HDAC9: variants seen among roughly 807,000 people sequenced by gnomAD.
HDAC9 encodes histone deacetylase 9.
A neutral mutation model predicts 139.4 loss-of-function variants in HDAC9; 41 were observed. That is an observed-to-expected ratio of 0.29 (90% CI 0.23 to 0.38). The LOEUF is 0.38. Among genes scored for constraint, HDAC9 ranks in the 10% least tolerant of loss-of-function variants. The pLI is 1.00. For missense variants in HDAC9, 1,147 were observed against 1,297.0 expected (o/e 0.88, Z 1.78); for synonymous variants, 517 against 476.2 (o/e 1.09, Z -1.12).
intron 2 of HDAC9, among the ~76,000 whole-genome samples, chr7:18,201,159 G>A (rs1489933741): frequency 6.6e-6 from 1 of 152,130 alleles, no homozygotes; most frequent in African/African-American, 2.4e-5. Context: ...GCTGCTGAAA[G>A]ATCCACTCCC....
intron 2 of HDAC9, among the ~76,000 whole-genome samples, chr7:18,270,565 A>C (rs1449438333): frequency 6.6e-6 from 1 of 152,170 alleles, no homozygotes; most frequent in Non-Finnish European, 1.5e-5. Context: ...AAAAGTTTAA[A>C]CGTTATTTTT....
chr7:18,098,063 C>T (rs1158776485), intron 1 of HDAC9, among the ~76,000 whole-genome samples: 3 of 152,116 alleles, frequency 2.0e-5, no homozygotes, highest in African/African-American at 7.2e-5. Flanking sequence ...CTTTCTGGTC[C>T]AGAAGAATGA....
rs151072162 is a variant in HDAC9, at chr7:18,611,696, T to A, written c.665-17654T>A. 2.0e-4 allele frequency among the ~76,000 whole-genome samples: 31 copies of A among 152,220 alleles called. No individual in the cohort carries two copies. In the Middle Eastern group the frequency reaches 0.01, roughly 50 times the overall value. Reference sequence around the variant, plus strand: ...ATTGAGAATGGCAATTTTGCTAAAATTAAGTACCATGTAGCATCTATCCTG... The same window carrying A: ...ATTGAGAATGGCAATTTTGCTAAAAATAAGTACCATGTAGCATCTATCCTG... On this transcript the variant is annotated intron_variant, in intron 6 of 25. Transcript: ENST00000686413.
chr7:18,346,913 A>G (rs1270373701), intron 1 of HDAC9, among the ~76,000 whole-genome samples: 2 of 152,136 alleles, frequency 1.3e-5, no homozygotes, highest in East Asian at 3.9e-4. Flanking sequence ...TTTGTTTTCT[A>G]GGTCTAAAAT....
chr7:18,767,166 G>A lies in HDAC9; in HGVS notation c.2214+11G>A. On this transcript the variant is annotated intron_variant, in intron 16 of 25. Coordinates refer to ENST00000686413, the MANE Select transcript of HDAC9 (RefSeq NM_178425.4). ...TGTGGTGGACTTGGGGTAAGTACAA[G>A]TTGGTTTACTGCCTTTAAATAACAT... The A allele has an allele frequency of 1.3e-6, 2 of 1,538,526 alleles. No individual in the cohort carries two copies. Among genetic ancestry groups the A allele is most frequent in the Non-Finnish European group, 1.8e-6 (2 of 1,131,636 alleles).
intron 8 of HDAC9, among the ~76,000 whole-genome samples, chr7:18,635,177 C>T (rs1011244076): frequency 1.3e-5 from 2 of 151,480 alleles, no homozygotes; most frequent in Admixed American, 6.6e-5. Flanking sequence ...TTGGTTGTGC[C>T]GATGTGAGTA....
At chr7:18,248,313 T>C (rs1319543060) in intron 2 of HDAC9, among the ~76,000 whole-genome samples, 2 of 152,202 alleles carry the variant, frequency 1.3e-5, no homozygotes, top group South Asian at 2.1e-4. Context: ...GCTCAATTAA[T>C]TGGGAAGCAG....
At chr7:18,875,798 C>A (rs1799277408) in intron 22 of HDAC9, among the ~76,000 whole-genome samples, 5 of 152,128 alleles carry the variant, frequency 3.3e-5, no homozygotes, top group Admixed American at 2.6e-4. Context: ...GTCAGTCTTT[C>A]CATCGCAGAT....
At chr7:18,123,000 T>G (rs1341747694) in intron 1 of HDAC9, among the ~76,000 whole-genome samples, 1 of 152,226 alleles carries the variant, frequency 6.6e-6, no homozygotes, top group East Asian at 1.9e-4. Context: ...AAATTACTGC[T>G]TTAAATATTT....
chr7:18,797,127 T>A (rs748409458), intron 17 of HDAC9, among the ~76,000 whole-genome samples: 5 of 152,188 alleles, frequency 3.3e-5, no homozygotes, highest in Non-Finnish European at 7.4e-5. Flanking sequence ...CAATGTACCC[T>A]TGAAGTAAGT....
chr7:18,116,663 A>G (rs563558209), intron 1 of HDAC9, among the ~76,000 whole-genome samples: 2 of 152,246 alleles, frequency 1.3e-5, no homozygotes, highest in East Asian at 3.9e-4. Context: ...TTAACAAATA[A>G]TAGAGTTGAT....
At chr7:18,917,640 C>T (rs1803324374) in intron 22 of HDAC9, among the ~76,000 whole-genome samples, 1 of 151,910 alleles carries the variant, frequency 6.6e-6, no homozygotes. Context: ...TCTCCAGCAA[C>T]CATTTGCTGC....
intron 22 of HDAC9, among the ~76,000 whole-genome samples, chr7:18,879,556 T>C (rs1309328689): frequency 6.6e-6 from 1 of 152,062 alleles, no homozygotes; most frequent in Admixed American, 6.6e-5. Flanking sequence ...AAACAAGCAA[T>C]GGGGAGAAGA....
At chr7:18,211,613 A>C (rs1038471314) in intron 2 of HDAC9, among the ~76,000 whole-genome samples, 2 of 152,208 alleles carry the variant, frequency 1.3e-5, no homozygotes, top group Non-Finnish European at 2.9e-5. Flanking sequence ...GAAAACTGTA[A>C]TCTGGAGATA....
chr7:18,469,507 A>G (rs879299536), intron 1 of HDAC9, among the ~76,000 whole-genome samples: 2 of 152,190 alleles, frequency 1.3e-5, no homozygotes, highest in Non-Finnish European at 2.9e-5. Context: ...ATGGTGACAC[A>G]TCTAACAGGG....
intron 2 of HDAC9, among the ~76,000 whole-genome samples, chr7:18,183,651 T>A (rs1032138312): frequency 1.3e-5 from 2 of 152,154 alleles, no homozygotes; most frequent in Admixed American, 1.3e-4. Context: ...TTAATTTAAA[T>A]TTTTCATTTT....
chr7:18,969,293 T>C (rs1784099914), intron 24 of HDAC9, among the ~76,000 whole-genome samples: 1 of 152,104 alleles, frequency 6.6e-6, no homozygotes, highest in African/African-American at 2.4e-5. Context: ...AACAGAGACA[T>C]CAAAATGGTA....
At chr7:18,269,171 T>A (rs1796191351) in intron 2 of HDAC9, among the ~76,000 whole-genome samples, 1 of 152,152 alleles carries the variant, frequency 6.6e-6, no homozygotes, top group African/African-American at 2.4e-5. Flanking sequence ...ATTATTTGTT[T>A]TGCAGATATA....
At chr7:18,100,725 A>G (rs1782793056) in intron 1 of HDAC9, among the ~76,000 whole-genome samples, 1 of 152,052 alleles carries the variant, frequency 6.6e-6, no homozygotes, top group African/African-American at 2.4e-5. Flanking sequence ...GTTCTTGGTC[A>G]ATTTTGTTTG....
Sources: gnomAD v4.1 joint callset for allele counts (sites outside exome capture counted in the v4.1 genomes callset) on GRCh38, gnomAD v4.1.1 for gene constraint, MANE v1.5 for transcripts, NCBI Gene and HGNC (gene_info 2026-07-23, HGNC 2026-07-21) for gene names.